PCSK5: variants seen among roughly 807,000 people sequenced by gnomAD.
PCSK5 encodes proprotein convertase subtilisin/kexin type 5, also known as prohormone convertase 5.
Under a neutral mutation model 233.2 loss-of-function variants are expected in PCSK5, and 129 were observed. That is an observed-to-expected ratio of 0.55 (90% CI 0.48 to 0.64). PCSK5 has a LOEUF of 0.64. PCSK5 is among the 30% of genes least tolerant of loss of function. The pLI, the probability that PCSK5 is intolerant of heterozygous loss-of-function variation, is 0.00. For synonymous variants in PCSK5, 825 were observed against 879.2 expected (o/e 0.94, Z 1.09); for missense variants, 2,076 against 2,430.1 (o/e 0.85, Z 3.06).
chr9:75,942,758 GAA>G (rs1000298515), intron 2 of PCSK5, among the ~76,000 whole-genome samples: 2 of 152,072 alleles, frequency 1.3e-5, no homozygotes, highest in African/African-American at 4.8e-5. Context: ...ATAAAAATAG[GAA>G]AAGAGTATGA....
At chr9:75,909,676 CAA>C (rs1345920138) in intron 1 of PCSK5, among the ~76,000 whole-genome samples, 1 of 151,974 alleles carries the variant, frequency 6.6e-6, no homozygotes, top group Non-Finnish European at 1.5e-5. Context: ...GCCTGGGTAA[CAA>C]GAGCAAGACT....
At chr9:76,249,219 C>T (rs1241421211) in intron 24 of PCSK5, among the ~76,000 whole-genome samples, 2 of 152,166 alleles carry the variant, frequency 1.3e-5, no homozygotes, top group Non-Finnish European at 2.9e-5. Context: ...GAGGATGCTA[C>T]TAAATATTCT....
rs59291965 is a variant in PCSK5 at position 76,226,830 on chromosome 9, T to C, written c.2627-673T>C. Among the ~76,000 whole-genome samples, 168 of 152,310 alleles carry C rather than the reference T, an allele frequency of 1.1e-3. 1 individual carries two copies. The highest frequency in any genetic ancestry group is 3.1e-3 in the African/African-American group (128 of 41,568). On this transcript the variant is annotated intron_variant, in intron 20 of 37. Transcript: ENST00000674117. Reference sequence around the variant, plus strand: ...TGGCCTCCCTCTGCCACCTTTGCTGTGGGAGTAATTTCTTAAAATGTTTCC... The same window carrying C: ...TGGCCTCCCTCTGCCACCTTTGCTGCGGGAGTAATTTCTTAAAATGTTTCC...
chr9:76,288,312 G>A (rs1411844403), intron 24 of PCSK5, among the ~76,000 whole-genome samples: 1 of 152,180 alleles, frequency 6.6e-6, no homozygotes, highest in Non-Finnish European at 1.5e-5. Flanking sequence ...TAATACCAGG[G>A]CTTTGGTAGC....
At chr9:76,270,004 C>T (rs1344640134) in intron 24 of PCSK5, among the ~76,000 whole-genome samples, 1 of 151,760 alleles carries the variant, frequency 6.6e-6, no homozygotes, top group Non-Finnish European at 1.5e-5. Flanking sequence ...CAGATTCTTT[C>T]AAAATATTTT....
chr9:76,194,603 G>T (rs557467013), intron 20 of PCSK5: 148 of 287,054 alleles, frequency 5.2e-4, no homozygotes, highest in Admixed American at 6.7e-4. Flanking sequence ...GTTTTTTGGG[G>T]TTTTTTTTTT....
chr9:76,352,581 T>C (rs935401370), intron 36 of PCSK5, among the ~76,000 whole-genome samples: 3 of 151,992 alleles, frequency 2.0e-5, no homozygotes, highest in African/African-American at 7.2e-5. Context: ...TTGCCCAGGC[T>C]GGTCTCAAAC....
chr9:76,325,920 A>G (rs1829347720), intron 32 of PCSK5, among the ~76,000 whole-genome samples: 3 of 150,666 alleles, frequency 2.0e-5, no homozygotes. Flanking sequence ...TACAGGCGTG[A>G]GCCACCATGC....
chr9:75,898,280 A>C (rs995770059), intron 1 of PCSK5, among the ~76,000 whole-genome samples: 1 of 152,196 alleles, frequency 6.6e-6, no homozygotes, highest in Non-Finnish European at 1.5e-5. Flanking sequence ...ATTTAAATCC[A>C]AGAGTTTCAA....
intron 11 of PCSK5, among the ~76,000 whole-genome samples, chr9:76,158,142 G>A (rs1351612283): frequency 6.6e-6 from 1 of 151,970 alleles, no homozygotes; most frequent in Non-Finnish European, 1.5e-5. Context: ...TCTAATGGAG[G>A]TATCACACCA....
At chr9:76,038,845 T>G (rs1828974785) in intron 5 of PCSK5, among the ~76,000 whole-genome samples, 1 of 152,192 alleles carries the variant, frequency 6.6e-6, no homozygotes, top group African/African-American at 2.4e-5. Flanking sequence ...TCATTTTGAC[T>G]TTTTTCCAAT....
chr9:76,265,273 G>A (rs1167869305), intron 24 of PCSK5, among the ~76,000 whole-genome samples: 2 of 151,974 alleles, frequency 1.3e-5, no homozygotes, highest in African/African-American at 2.4e-5. Flanking sequence ...AGGGAGGGAG[G>A]GGGAGGCGGG....
At chr9:76,092,033 AG>A (rs1167880022) in intron 7 of PCSK5, among the ~76,000 whole-genome samples, 3 of 151,954 alleles carry the variant, frequency 2.0e-5, no homozygotes, top group Non-Finnish European at 2.9e-5. Context: ...GCTCCTTCTT[AG>A]TGGTATCTTC....
intron 20 of PCSK5, among the ~76,000 whole-genome samples, chr9:76,205,972 A>C (rs1825102123): frequency 6.6e-6 from 1 of 152,180 alleles, no homozygotes; most frequent in Admixed American, 6.5e-5. Context: ...CAGAGTAGCA[A>C]GCAGCCTAAG....
chr9:76,107,269 C>T lies in PCSK5; in HGVS notation c.1126C>T (p.Gln376Ter). Residue 376 changes from glutamine (Q) to a stop codon, truncating the protein, a stop_gained, in exon 9 of 38, where the codon CAG becomes TAG. Coordinates refer to ENST00000674117, the MANE Select transcript of PCSK5 (RefSeq NM_001372043.1). LOFTEE classifies it high-confidence loss of function. ...TTTCCAGATCACTACAGATCTGAGG[C>T]AGCGTTGCACGGACAACCACACTGG... The part of the protein sequence containing the change: ...DKKIITTDLR[Q>*]RCTDNHTGTS... 1 of 1,612,918 alleles carries T rather than the reference C, an allele frequency of 6.2e-7. No homozygotes were observed.
intron 3 of PCSK5, among the ~76,000 whole-genome samples, chr9:76,017,139 T>C (rs1827979634): frequency 6.6e-6 from 1 of 152,178 alleles, no homozygotes; most frequent in African/African-American, 2.4e-5. Context: ...TTGGCCAGTG[T>C]GCCAAAAGGA....
At chr9:76,000,514 G>A (rs916713816) in intron 3 of PCSK5, among the ~76,000 whole-genome samples, 6 of 152,026 alleles carry the variant, frequency 3.9e-5, no homozygotes, top group Admixed American at 1.3e-4. Context: ...TCATTTACTC[G>A]CTAGAATATT....
intron 3 of PCSK5, among the ~76,000 whole-genome samples, chr9:76,009,089 T>C (rs1319288662): frequency 6.6e-6 from 1 of 152,188 alleles, no homozygotes; most frequent in Non-Finnish European, 1.5e-5. Flanking sequence ...GTTACTATTT[T>C]TCATAGTCCG....
At chr9:76,177,773 A>T (rs1002117430) in intron 14 of PCSK5, among the ~76,000 whole-genome samples, 4 of 152,316 alleles carry the variant, frequency 2.6e-5, no homozygotes, top group African/African-American at 9.6e-5. Context: ...TTATATCTCT[A>T]AAACATCAAT....
Sources: allele counts gnomAD v4.1 joint callset (sites outside exome capture counted in the v4.1 genomes callset), GRCh38; gene constraint gnomAD v4.1.1; transcripts MANE v1.5; gene names NCBI Gene and HGNC (gene_info 2026-07-23, HGNC 2026-07-21).